MACROD2: variants seen among roughly 807,000 people sequenced by gnomAD.
MACROD2 encodes the protein ADP-ribose glycohydrolase MACROD2.
A neutral mutation model predicts 70.4 loss-of-function variants in MACROD2; 36 were observed. The ratio of observed to expected loss-of-function variants is 0.51; its 90% CI spans 0.39 to 0.68. The LOEUF (loss-of-function observed/expected upper bound fraction) is 0.68, where lower values mean the gene tolerates loss of function less well. MACROD2 is among the 30% of genes least tolerant of loss of function. The pLI is 0.00. For synonymous variants in MACROD2, 172 were observed against 178.8 expected, an observed-to-expected ratio of 0.96 and a Z score of 0.30; for missense variants, 496 against 538.4, an observed-to-expected ratio of 0.92 and a Z score of 0.78.
intron 10 of MACROD2, among the ~76,000 whole-genome samples, chr20:15,893,479 C>T (rs575768290): frequency 3.0e-4 from 45 of 152,386 alleles, no homozygotes; most frequent in African/African-American, 1.1e-3. Flanking sequence ...TAAGATCCTA[C>T]ATACCTTTGC....
In MACROD2 at chr20:14,797,968, A is replaced by G. The variant is rs561040949; in HGVS notation, c.418+113009A>G. On this transcript the variant is annotated intron_variant, in intron 5 of 17. Transcript: ENST00000684519. ...GACTGGAAAAAACAATTTAAAGTTC[A>G]TATCCTACTGTGTTAATAGAACTTT... Among the ~76,000 whole-genome samples the G allele has an allele frequency of 8.9e-4, 135 of 152,248 alleles. 1 individual carries two copies. The highest frequency in any genetic ancestry group is 3.1e-3 in the African/African-American group (129 of 41,524).
intron 3 of MACROD2, among the ~76,000 whole-genome samples, chr20:14,338,872 C>G (rs887141133): frequency 1.3e-5 from 2 of 152,098 alleles, no homozygotes; most frequent in African/African-American, 4.8e-5. Context: ...GCTTTGTGCC[C>G]GTAAGTTTTC....
rs1336129458 is a variant in MACROD2 at position 14,535,357 on chromosome 20, T to C, written c.301+41849T>C. The stretch of plus-strand genomic sequence containing the variant: ...CATCTCTACTAAAAATACAAAAAAT[T>C]AGCTGGGCGTAGTGGCGGGCACTTG... On this transcript the variant is annotated intron_variant, in intron 4 of 17. Transcript: ENST00000684519. Among the ~76,000 whole-genome samples, 3 of 151,510 alleles carry C rather than the reference T, an allele frequency of 2.0e-5. 1 individual carries two copies. The South Asian group carries it at 6.3e-4, about 32-fold the overall frequency.
chr20:15,353,084 A>G (rs1319327730), intron 6 of MACROD2, among the ~76,000 whole-genome samples: 3 of 152,016 alleles, frequency 2.0e-5, no homozygotes, highest in South Asian at 2.1e-4. Flanking sequence ...GAGGCATCAC[A>G]CTACCTGACT....
intron 1 of MACROD2, among the ~76,000 whole-genome samples, chr20:13,996,147 C>T (rs1489114686): frequency 6.8e-6 from 1 of 147,270 alleles, no homozygotes; most frequent in Non-Finnish European, 1.5e-5. Context: ...GGCACAAGTT[C>T]CTCTGCACCG....
At chr20:14,749,877 T>A (rs962154648) in intron 5 of MACROD2, among the ~76,000 whole-genome samples, 1 of 152,112 alleles carries the variant, frequency 6.6e-6, no homozygotes, top group African/African-American at 2.4e-5. Context: ...GTGATCAAAT[T>A]CATGGAAACA....
intron 5 of MACROD2, among the ~76,000 whole-genome samples, chr20:14,755,735 T>G (rs760095024): frequency 6.6e-6 from 1 of 152,018 alleles, no homozygotes; most frequent in African/African-American, 2.4e-5. Context: ...TTTCTATGTC[T>G]ATTTTCCTTT....
At chr20:15,880,728 A>G (rs1030145788) in intron 9 of MACROD2, among the ~76,000 whole-genome samples, 1 of 152,020 alleles carries the variant, frequency 6.6e-6, no homozygotes, top group African/African-American at 2.4e-5. Flanking sequence ...TATTACTTGA[A>G]TGGGATTCAG....
chr20:14,411,793 A>T (rs1005972491), intron 3 of MACROD2, among the ~76,000 whole-genome samples: 2 of 152,052 alleles, frequency 1.3e-5, no homozygotes, highest in Non-Finnish European at 2.9e-5. Flanking sequence ...CTGTGCAACT[A>T]TGGGGGGCAC....
intron 2 of MACROD2, among the ~76,000 whole-genome samples, chr20:14,011,391 T>C (rs2052904004): frequency 4.6e-5 from 7 of 152,332 alleles, no homozygotes; most frequent in Admixed American, 4.6e-4. Context: ...TAAAACAGCC[T>C]GTCCCTTCCT....
At chr20:14,371,915 T>G (rs2083327872) in intron 3 of MACROD2, among the ~76,000 whole-genome samples, 1 of 152,102 alleles carries the variant, frequency 6.6e-6, no homozygotes, top group African/African-American at 2.4e-5. Flanking sequence ...CTGACCTCCC[T>G]TACCACATTA....
intron 9 of MACROD2, among the ~76,000 whole-genome samples, chr20:15,879,900 C>G (rs1392814060): frequency 1.3e-5 from 2 of 151,864 alleles, no homozygotes; most frequent in African/African-American, 4.8e-5. Flanking sequence ...GCTTCAGACC[C>G]AAGAAGAATT....
At chr20:14,048,220 C>A (rs1039718339) in intron 2 of MACROD2, among the ~76,000 whole-genome samples, 2 of 152,086 alleles carry the variant, frequency 1.3e-5, no homozygotes, top group East Asian at 3.9e-4. Flanking sequence ...AGACTCAGAT[C>A]CATCTCCCTG....
intron 5 of MACROD2, among the ~76,000 whole-genome samples, chr20:15,109,088 C>T (rs2075934438): frequency 6.6e-6 from 1 of 152,204 alleles, no homozygotes; most frequent in Non-Finnish European, 1.5e-5. Flanking sequence ...TTTCATATTG[C>T]CTATGGCTTC....
chr20:15,415,978 C>T (rs1237773166), intron 6 of MACROD2, among the ~76,000 whole-genome samples: 3 of 152,142 alleles, frequency 2.0e-5, no homozygotes, highest in Admixed American at 6.5e-5. Context: ...AACCCTGGCC[C>T]GCTAGAGCAT....
intron 5 of MACROD2, among the ~76,000 whole-genome samples, chr20:15,157,639 T>C (rs544297845): frequency 1.7e-4 from 26 of 152,270 alleles, no homozygotes; most frequent in Admixed American, 1.5e-3. Flanking sequence ...GTGTCCTGAA[T>C]AGTTTCCAAC....
intron 5 of MACROD2, among the ~76,000 whole-genome samples, chr20:14,982,554 A>C (rs2074810504): frequency 6.6e-6 from 1 of 152,120 alleles, no homozygotes; most frequent in South Asian, 2.1e-4. Context: ...GGTGCCCTAC[A>C]TCCCAGCCAC....
intron 7 of MACROD2, among the ~76,000 whole-genome samples, chr20:15,435,616 T>C (rs543139688): frequency 3.9e-5 from 6 of 152,306 alleles, no homozygotes; most frequent in Admixed American, 3.3e-4. Context: ...CCCATTGTGG[T>C]TTAAATTTGC....
At chr20:14,622,636 C>T (rs1032593027) in intron 4 of MACROD2, among the ~76,000 whole-genome samples, 2 of 152,084 alleles carry the variant, frequency 1.3e-5, no homozygotes, top group African/African-American at 4.8e-5. Flanking sequence ...TTAGGTCTAC[C>T]CTTGAGGCAC....
Sources: allele counts gnomAD v4.1 joint callset (sites outside exome capture counted in the v4.1 genomes callset), GRCh38; gene constraint gnomAD v4.1.1; transcripts MANE v1.5; gene names NCBI Gene and HGNC (gene_info 2026-07-23, HGNC 2026-07-21).